The following FRMD1 variants were observed in gnomAD, a reference collection of about 807,000 sequenced individuals.
FRMD1 encodes the protein FERM domain-containing protein 1.
A neutral mutation model predicts 54.9 loss-of-function variants in FRMD1; 51 were observed. The observed-to-expected ratio is 0.93, with a 90% CI of 0.74 to 1.17. The LOEUF (loss-of-function observed/expected upper bound fraction) is 1.17. FRMD1 is among the 50% of genes most tolerant of loss of function. FRMD1 has a pLI of 0.00. For missense variants in FRMD1, 729 were observed against 743.0 expected (o/e 0.98, Z 0.22); for synonymous variants, 324 against 306.4 (o/e 1.06, Z -0.60).
At chr6:168,072,731 C>T (rs1800374284) in intron 2 of FRMD1, among the ~76,000 whole-genome samples, 1 of 150,912 alleles carries the variant, frequency 6.6e-6, no homozygotes. Flanking sequence ...GTTAAAGAGA[C>T]TTTAAGCCTT....
intron 7 of FRMD1, 109 bp downstream of exon 7, chr6:168,062,785 C>T (rs902392): frequency 0.013 from 20,153 of 1,599,424 alleles, 416 homozygotes; most frequent in Admixed American, 0.08. Context: ...GGCCAGCCAG[C>T]GCCCATGACC....
chr6:168,064,880 G>A lies in FRMD1; in HGVS notation c.639C>T (p.Phe213=). 1 of 1,567,702 alleles carries A rather than the reference G, an allele frequency of 6.4e-7. No individual in the cohort carries two copies. Among genetic ancestry groups the A allele is most frequent in the Non-Finnish European group, 8.6e-7 (1 of 1,156,448 alleles). Residue 213 remains phenylalanine (F), a synonymous_variant, in exon 5 of 11, where the codon TTC becomes TTT. Coordinates refer to ENST00000283309, the MANE Select transcript of FRMD1 (RefSeq NM_024919.6). The part of the protein sequence containing the change: ...AGRYFEPHSY[F]PQWIITKRGI... ...TGGGCCCTGACCTTACCCACTGTGG[G>A]AAGTAGGAGTGTGGCTCGAAGTACC...
chr6:168,066,975 C>T (rs529785896), intron 3 of FRMD1, 144 bp from the exon 4 acceptor site: 31 of 1,041,452 alleles, frequency 3.0e-5, no homozygotes, highest in African/African-American at 2.8e-4. Context: ...GCTGACAATT[C>T]GACTCATGGT....
At position 168,059,165 on chromosome 6, in the gene FRMD1, G is replaced by C. The variant is rs1548349; in HGVS notation, c.1366C>G (p.Gln456Glu). The C allele has an allele frequency of 0.9, 1,422,586 of 1,586,290 alleles. 638,635 individuals carry two copies. The highest frequency in any genetic ancestry group is 0.91 in the Non-Finnish European group (1,062,956 of 1,169,960). ...GCGCTCTGGCCTCTGGTCCTGACCT[G>C]GGTGCAGGGCTCCTGACGAGTGGCT... ...SQATRQEPCT[Q>E]VRTRGQSAEA... The change falls in exon 10 of 11, where the codon CAG becomes GAG. Residue 456 changes from glutamine to glutamate, a missense_variant. Physicochemically the swap from Gln to Glu is conservative, Grantham distance 29 (BLOSUM62 2). Coordinates refer to ENST00000283309, the MANE Select transcript of FRMD1 (RefSeq NM_024919.6). The surrounding 1 kb of genome is among the most constrained non-coding windows in gnomAD (Gnocchi z 4.4).
intron 1 of FRMD1, among the ~76,000 whole-genome samples, chr6:168,086,671 G>A (rs1328570638): frequency 6.6e-6 from 1 of 152,246 alleles, no homozygotes; most frequent in East Asian, 1.9e-4. Flanking sequence ...CTGTGGACAT[G>A]GGCCACTGGC....
upstream of FRMD1, chr6:168,081,241 G>A: frequency 9.7e-7 from 1 of 1,034,690 alleles, no homozygotes; most frequent in South Asian, 2.7e-5. Flanking sequence ...CTCCCGCCAG[G>A]GCACTGAGGG....
chr6:168,060,481 C>T (rs7451255), intron 9 of FRMD1, among the ~76,000 whole-genome samples: 1 of 152,114 alleles, frequency 6.6e-6, no homozygotes, highest in African/African-American at 2.4e-5. Context: ...AAGAGGATCC[C>T]ACCTCTCCTG....
At chr6:168,075,779 T>C (rs750955332) in intron 1 of FRMD1, 1 of 1,550,668 alleles carries the variant, frequency 6.4e-7, no homozygotes, top group Non-Finnish European at 8.7e-7. Context: ...CCCAACAGTG[T>C]TCCTACAGCT....
rs1799377174 is a variant in FRMD1 at position 168,055,845 on chromosome 6, C to T, written c.*1252G>A. 1 of 152,208 alleles carries T rather than the reference C, an allele frequency of 6.6e-6. No homozygotes were observed. The highest frequency in any genetic ancestry group is 6.5e-5 in the Admixed American group (1 of 15,290). 9.4% of individuals were successfully genotyped at this position (152,208 alleles called of 1,614,324 possible). On this transcript the variant is annotated 3_prime_UTR_variant, in exon 11 of 11. Coordinates refer to ENST00000283309, the MANE Select transcript of FRMD1 (RefSeq NM_024919.6). ...CTTTATTACACGTGCCTGGGGCACA[C>T]ACACGATTCCCTTTCACAGAAAGGA...
upstream of FRMD1, among the ~76,000 whole-genome samples, chr6:168,080,857 T>G (rs1206772320): frequency 6.6e-6 from 1 of 151,048 alleles, no homozygotes; most frequent in Admixed American, 6.6e-5. Context: ...GTGTGGGCGC[T>G]GGTGTGTGCG....
At chr6:168,080,044 T>G (rs562195844), upstream of FRMD1, among the ~76,000 whole-genome samples, 3 of 152,234 alleles carry the variant, frequency 2.0e-5, no homozygotes, top group East Asian at 5.8e-4. Flanking sequence ...TCCATCAGTT[T>G]CCTGCCATGG....
intron 1 of FRMD1, chr6:168,075,691 C>T: frequency 7.0e-7 from 1 of 1,435,242 alleles, no homozygotes; most frequent in Non-Finnish European, 9.6e-7. Context: ...CCTCGCACGG[C>T]ACAAATGAAT....
At chr6:168,082,553 A>C (rs756771256), upstream of FRMD1, among the ~76,000 whole-genome samples, 7 of 152,150 alleles carry the variant, frequency 4.6e-5, no homozygotes, top group Non-Finnish European at 7.4e-5. Context: ...ATGTTTTCCC[A>C]GAAAAGAATG....
chr6:168,075,158 T>C, intron 2 of FRMD1, 87 bp downstream of exon 2: 1 of 1,041,944 alleles, frequency 9.6e-7, no homozygotes, highest in Non-Finnish European at 1.5e-6. Context: ...GTGTACATTA[T>C]GGATGTGTGT....
chr6:168,066,114 T>C (rs2114980672), intron 4 of FRMD1: 2 of 991,402 alleles, frequency 2.0e-6, no homozygotes, highest in Non-Finnish European at 2.4e-6. Context: ...GCAGCAAGCA[T>C]AGCAGCCCTT....
chr6:168,063,497 T>C (rs1293585519), intron 6 of FRMD1, 104 bp downstream of exon 6: 1 of 1,312,532 alleles, frequency 7.6e-7, no homozygotes, highest in African/African-American at 1.5e-5. Context: ...GGGGGCTCCA[T>C]CCATCCCTGC....
chr6:168,071,785 T>A (rs1433293992), intron 2 of FRMD1, among the ~76,000 whole-genome samples: 1 of 152,240 alleles, frequency 6.6e-6, no homozygotes, highest in Admixed American at 6.5e-5. Context: ...TCTCCCTTTG[T>A]GTGCACCTGC....
intron 4 of FRMD1, chr6:168,065,472 A>G (rs1562415449): frequency 2.0e-6 from 2 of 998,046 alleles, no homozygotes; most frequent in East Asian, 2.1e-4. Flanking sequence ...ACCGCCCAGC[A>G]CGGGGCTTGG....
At chr6:168,067,627 T>C in intron 2 of FRMD1, 181 bp from the exon 3 acceptor site, 1 of 547,770 alleles carries the variant, frequency 1.8e-6, no homozygotes, top group Non-Finnish European at 3.3e-6. Flanking sequence ...TTAACACACA[T>C]GCAGGTGTCA....
Sources: gnomAD v4.1 joint callset for allele counts (sites outside exome capture counted in the v4.1 genomes callset) on GRCh38, gnomAD v4.1.1 for gene constraint, Gnocchi (gnomAD v3.1) non-coding constraint, MANE v1.5 for transcripts, NCBI Gene and HGNC (gene_info 2026-07-23, HGNC 2026-07-21) for gene names.